The following CATSPERE variants were observed in gnomAD, a reference collection of about 807,000 sequenced individuals.
CATSPERE encodes the protein catsper channel auxiliary subunit epsilon, also known as cation channel sperm-associated auxiliary subunit epsilon.
CATSPERE carries 93 observed loss-of-function variants against 114.1 expected under a neutral mutation model. The observed-to-expected ratio is 0.81, with a 90% CI of 0.69 to 0.97. CATSPERE has a LOEUF of 0.97. CATSPERE is among the 50% of genes least tolerant of loss of function. The pLI is 0.00. For missense variants in CATSPERE, 1,058 were observed against 1,131.6 expected (o/e 0.93, Z 0.93); for synonymous variants, 341 against 384.1 (o/e 0.89, Z 1.31).
chr1:244,578,679 G>C (rs943060192), intron 11 of CATSPERE, among the ~76,000 whole-genome samples: 18 of 145,158 alleles, frequency 1.2e-4, no homozygotes, highest in African/African-American at 4.1e-4. Flanking sequence ...CTCTCTCTCT[G>C]TCTCTCTCTC....
At chr1:244,521,955 G>A (rs1418583470) in intron 8 of CATSPERE, among the ~76,000 whole-genome samples, 2 of 152,002 alleles carry the variant, frequency 1.3e-5, no homozygotes, top group Non-Finnish European at 2.9e-5. Context: ...GGATACCCAG[G>A]AATTGAACTC....
chr1:244,565,723 A>C (rs564938050), intron 10 of CATSPERE, among the ~76,000 whole-genome samples: 1 of 151,792 alleles, frequency 6.6e-6, no homozygotes, highest in South Asian at 2.1e-4. Context: ...TCATAGATTC[A>C]TAGATTTCAT....
At chr1:244,518,560 A>G (rs1279067037) in intron 7 of CATSPERE, 32 bp from the exon 8 acceptor site, 1 of 1,288,506 alleles carries the variant, frequency 7.8e-7, no homozygotes, top group Non-Finnish European at 1.1e-6. Flanking sequence ...CTATGAAAAT[A>G]ATAAAAAATG....
chr1:244,552,658 C>A lies in CATSPERE; in HGVS notation c.873C>A (p.Ile291=), dbSNP rs1660843478. The change falls in exon 9 of 22, where the codon ATC becomes ATA. Residue 291 remains isoleucine (I), a synonymous_variant. Coordinates refer to ENST00000366534, the MANE Select transcript of CATSPERE (RefSeq NM_001130957.2). ...AAAGACGGAGTGTGGCTCATGTGAT[C>A]TTATCGCGGGATGGAATCGTTTTTC... ...DDERRSVAHV[I]LSRDGIVFLI... is the part of the protein sequence containing the mutation. 1 of 1,614,074 alleles carries A rather than the reference C, an allele frequency of 6.2e-7. No individual in the cohort carries two copies. The highest frequency in any genetic ancestry group is 1.1e-5 in the South Asian group (1 of 91,074).
At chr1:244,495,331 A>T (rs1178795608) in intron 6 of CATSPERE, among the ~76,000 whole-genome samples, 1 of 152,222 alleles carries the variant, frequency 6.6e-6, no homozygotes, top group Non-Finnish European at 1.5e-5. Flanking sequence ...AAAAGGGGTG[A>T]TGTTTTAATG....
At chr1:244,471,591 A>G (rs1204249918) in intron 2 of CATSPERE, among the ~76,000 whole-genome samples, 3 of 152,158 alleles carry the variant, frequency 2.0e-5, no homozygotes, top group Admixed American at 6.5e-5. Context: ...TCCTGATCCT[A>G]TAGTTTTGCA....
intron 5 of CATSPERE, among the ~76,000 whole-genome samples, chr1:244,480,149 T>C (rs1670031560): frequency 6.6e-6 from 1 of 152,214 alleles, no homozygotes; most frequent in African/African-American, 2.4e-5. Flanking sequence ...GACCCTGGTT[T>C]TTCAATCCAG....
chr1:244,451,713 A>T (rs999253236), upstream of CATSPERE: 1 of 1,610,822 alleles, frequency 6.2e-7, no homozygotes, highest in Non-Finnish European at 8.5e-7. This position sits in a 1 kb window ranked among gnomAD's most constrained non-coding sequence, Gnocchi z 6.6. Flanking sequence ...CCCACTGCGC[A>T]CCGAGCACCA....
chr1:244,544,819 T>G (rs1466878432), intron 8 of CATSPERE, among the ~76,000 whole-genome samples: 2 of 152,232 alleles, frequency 1.3e-5, no homozygotes, highest in Non-Finnish European at 2.9e-5. Context: ...TGTGTTTCAT[T>G]GCTTGAGCAA....
intron 17 of CATSPERE, chr1:244,598,560 T>C: frequency 3.8e-6 from 1 of 261,568 alleles, no homozygotes; most frequent in Admixed American, 4.1e-5. Context: ...TCCAGCCACC[T>C]CACCTGTCTT....
intron 8 of CATSPERE, among the ~76,000 whole-genome samples, chr1:244,532,271 G>A (rs1679737063): frequency 1.3e-5 from 2 of 151,360 alleles, no homozygotes; most frequent in Admixed American, 6.6e-5. Context: ...TCATTTCATT[G>A]ATCTTTTGTA....
intron 20 of CATSPERE, among the ~76,000 whole-genome samples, chr1:244,622,950 A>T (rs1672585076): frequency 6.6e-6 from 1 of 152,186 alleles, no homozygotes; most frequent in Non-Finnish European, 1.5e-5. Context: ...AAAGTGTCCT[A>T]GGTAGCCAGT....
chr1:244,546,449 A>G (rs948752271), intron 8 of CATSPERE, among the ~76,000 whole-genome samples: 2 of 152,222 alleles, frequency 1.3e-5, no homozygotes, highest in African/African-American at 4.8e-5. Flanking sequence ...AATCAGGGAA[A>G]TATGGTGTCC....
rs572782580 is a variant in CATSPERE at position 244,518,628 on chromosome 1, G to T, written c.466G>T (p.Gly156Ter). ...IVLSTQMATL[G>*]QKPVIHTVLK... is the part of the protein sequence containing the mutation. ...ACTCAGCACACAGATGGCCACATTG[G>T]GACAGAAGCCTGTCATACATACAGT... Residue 156 changes from glycine (G) to a stop codon, truncating the protein, a stop_gained, in exon 8 of 22, where the codon GGA becomes TGA. Coordinates refer to ENST00000366534, the MANE Select transcript of CATSPERE (RefSeq NM_001130957.2). LOFTEE classifies it high-confidence loss of function. The T allele has an allele frequency of 7.5e-6, 12 of 1,601,004 alleles. No homozygotes were observed. Among genetic ancestry groups the T allele is most frequent in the East Asian group, 2.3e-5 (1 of 44,438 alleles).
chr1:244,522,466 G>A (rs1440676800), intron 8 of CATSPERE, among the ~76,000 whole-genome samples: 1 of 152,070 alleles, frequency 6.6e-6, no homozygotes, highest in Non-Finnish European at 1.5e-5. Context: ...GTAGCAGACG[G>A]CGAGAAATAA....
intron 6 of CATSPERE, among the ~76,000 whole-genome samples, chr1:244,491,087 A>G (rs1215746576): frequency 1.3e-5 from 2 of 152,132 alleles, no homozygotes; most frequent in Non-Finnish European, 2.9e-5. Flanking sequence ...GCTCTGCACC[A>G]AGCGGACCTA....
chr1:244,474,568 A>G (rs1668980525), intron 2 of CATSPERE, among the ~76,000 whole-genome samples: 1 of 151,626 alleles, frequency 6.6e-6, no homozygotes, highest in African/African-American at 2.4e-5. Context: ...ATTTGATTAT[A>G]TTGTTCTTTG....
intron 9 of CATSPERE, among the ~76,000 whole-genome samples, chr1:244,558,988 C>G (rs1414192117): frequency 6.6e-6 from 1 of 152,124 alleles, no homozygotes; most frequent in African/African-American, 2.4e-5. Flanking sequence ...CCTTCAAAGA[C>G]TTACTACCTT....
Position 244,635,517 on chromosome 1 carries a change from A to G in CATSPERE, c.2677A>G (p.Ile893Val), listed in dbSNP as rs1444103111. 1 of 1,613,010 alleles carries G rather than the reference A, an allele frequency of 6.2e-7. No individual in the cohort carries two copies. Among genetic ancestry groups the G allele is most frequent in the Admixed American group, 1.7e-5 (1 of 59,994 alleles). Residue 893 changes from isoleucine to valine, a missense_variant, in exon 21 of 22, where the codon ATA (isoleucine) becomes GTA (valine). Transcript: ENST00000366534. Reference protein sequence around the residue: ...SFCNLTAMFAIETFGLIPSPS... With the variant: ...SFCNLTAMFAVETFGLIPSPS... ...CTGTAACCTAACAGCTATGTTTGCA[A>G]TAGAGACATTTGGACTGATTCCCAG...
Sources: allele counts gnomAD v4.1 joint callset (sites outside exome capture counted in the v4.1 genomes callset), GRCh38; gene constraint gnomAD v4.1.1; non-coding constraint Gnocchi (gnomAD v3.1); transcripts MANE v1.5; gene names NCBI Gene and HGNC (gene_info 2026-07-23, HGNC 2026-07-21).